The following SNTG1 variants were observed in gnomAD, a reference collection of about 807,000 sequenced individuals.
SNTG1 encodes the protein gamma-1-syntrophin.
Under a neutral mutation model 74.7 loss-of-function variants are expected in SNTG1, and 39 were observed. The ratio of observed to expected loss-of-function variants is 0.52; its 90% CI spans 0.40 to 0.68. The LOEUF is 0.68. Ranked by LOEUF, SNTG1 falls within the 30% of genes least tolerant of loss-of-function variation. SNTG1 has a pLI of 0.00. For missense variants in SNTG1, 685 were observed against 609.5 expected, an observed-to-expected ratio of 1.12 and a Z score of -1.30; for synonymous variants, 254 against 217.1, an observed-to-expected ratio of 1.17 and a Z score of -1.49.
At chr8:50,098,895 A>C (rs2080026294) in intron 1 of SNTG1, among the ~76,000 whole-genome samples, 1 of 152,166 alleles carries the variant, frequency 6.6e-6, no homozygotes, top group African/African-American at 2.4e-5. Flanking sequence ...ACAGGTACTC[A>C]TTACAGCTTT....
At chr8:49,967,549 A>G (rs1385314) in intron 1 of SNTG1, among the ~76,000 whole-genome samples, 16,606 of 151,728 alleles carry the variant, frequency 0.11, 1,100 homozygotes, top group South Asian at 0.22. Flanking sequence ...TTAATTTATT[A>G]TAATATATAA....
rs934023827 is a variant in SNTG1, at chr8:50,310,981, A to T, written c.-27-83231A>T. Among the ~76,000 whole-genome samples, 5 of 152,174 alleles carry T rather than the reference A, an allele frequency of 3.3e-5. 1 individual carries two copies. The highest frequency in any genetic ancestry group is 7.4e-5 in the Non-Finnish European group (5 of 68,024). ...GACAAATGAGGACAAAAGTCCAGAAAATTTTATTTCAAGATCACACAGCTA... is the reference window on the plus strand; with the variant it reads ...GACAAATGAGGACAAAAGTCCAGAATATTTTATTTCAAGATCACACAGCTA... On this transcript the variant is annotated intron_variant, in intron 2 of 18. Coordinates refer to ENST00000642720, the MANE Select transcript of SNTG1 (RefSeq NM_018967.5).
chr8:49,931,778 A>G (rs750098020), intron 1 of SNTG1, among the ~76,000 whole-genome samples: 34 of 152,190 alleles, frequency 2.2e-4, no homozygotes, highest in Non-Finnish European at 3.8e-4. Flanking sequence ...TGAATACAAC[A>G]AGATACAAAA....
chr8:50,254,740 G>C (rs1270138952), intron 2 of SNTG1, among the ~76,000 whole-genome samples: 1 of 151,982 alleles, frequency 6.6e-6, no homozygotes, highest in Non-Finnish European at 1.5e-5. Context: ...CAGCTACTCA[G>C]GAGGCTGAGG....
At chr8:50,662,481 C>T (rs534813730) in intron 15 of SNTG1, among the ~76,000 whole-genome samples, 64 of 152,258 alleles carry the variant, frequency 4.2e-4, no homozygotes, top group African/African-American at 1.5e-3. Flanking sequence ...TATTGTTATT[C>T]CCATTTTAGA....
At chr8:50,506,550 C>G (rs2094008218) in intron 9 of SNTG1, among the ~76,000 whole-genome samples, 1 of 151,868 alleles carries the variant, frequency 6.6e-6, no homozygotes, top group Admixed American at 6.6e-5. Flanking sequence ...AGTGTAAAGT[C>G]TTTAAAATTT....
intron 2 of SNTG1, among the ~76,000 whole-genome samples, chr8:50,320,418 C>T (rs1413997087): frequency 6.6e-6 from 1 of 151,796 alleles, no homozygotes; most frequent in African/African-American, 2.4e-5. Flanking sequence ...CATAGTTAGT[C>T]TGACTACAGA....
In SNTG1 at chr8:50,688,773, G is replaced by GT. The variant is rs1585535832; in HGVS notation, c.1039-15821dup. On this transcript the variant is annotated intron_variant, in intron 15 of 18. Coordinates refer to ENST00000642720, the MANE Select transcript of SNTG1 (RefSeq NM_018967.5). Reference sequence around the variant, plus strand: ...TTGGTTCCATATGAACTTTAAAGTAGTTTTTTCCAATTCTGTGAAGAAAGT... The same window carrying GT: ...TTGGTTCCATATGAACTTTAAAGTAGTTTTTTTCCAATTCTGTGAAGAAAGT... Among the ~76,000 whole-genome samples, 3 of 152,158 alleles carry GT rather than the reference G, an allele frequency of 2.0e-5. No homozygotes were observed. In the South Asian group the frequency reaches 6.2e-4, roughly 32 times the overall value.
At chr8:50,564,346 A>G (rs2094504341) in intron 12 of SNTG1, among the ~76,000 whole-genome samples, 1 of 152,156 alleles carries the variant, frequency 6.6e-6, no homozygotes, top group Non-Finnish European at 1.5e-5. Flanking sequence ...AATAATATAT[A>G]AACATATATA....
rs1369409540 is a variant in SNTG1 at position 50,530,275 on chromosome 8, C to T, written c.549+16C>T. Reference sequence around the variant, plus strand: ...CAACAATACAGTAAGATGACCCAGGCATAGCTCAGATTAATAAGGAGATAA... The same window carrying T: ...CAACAATACAGTAAGATGACCCAGGTATAGCTCAGATTAATAAGGAGATAA... On this transcript the variant is annotated intron_variant, in intron 10 of 18. Transcript: ENST00000642720. 6.2e-7 allele frequency: 1 copy of T among 1,610,694 alleles called. No individual in the cohort carries two copies. The highest frequency in any genetic ancestry group is 8.5e-7 in the Non-Finnish European group (1 of 1,177,094).
intron 2 of SNTG1, among the ~76,000 whole-genome samples, chr8:50,272,460 C>A (rs2087834350): frequency 6.6e-6 from 1 of 152,152 alleles, no homozygotes; most frequent in Admixed American, 6.5e-5. Flanking sequence ...TGTGCCATAA[C>A]AAAGAGACCT....
At chr8:50,691,107 C>G (rs958757104) in intron 15 of SNTG1, among the ~76,000 whole-genome samples, 1 of 152,058 alleles carries the variant, frequency 6.6e-6, no homozygotes, top group African/African-American at 2.4e-5. Context: ...CTTGGTAGAT[C>G]TCCCTCCATC....
intron 9 of SNTG1, among the ~76,000 whole-genome samples, chr8:50,510,552 T>C (rs1403577908): frequency 6.6e-6 from 1 of 152,208 alleles, no homozygotes; most frequent in Non-Finnish European, 1.5e-5. Context: ...TCCTGGACTT[T>C]TTTTGGTTGG....
chr8:50,159,817 C>A (rs956155361), intron 1 of SNTG1, among the ~76,000 whole-genome samples: 2 of 152,150 alleles, frequency 1.3e-5, no homozygotes, highest in Non-Finnish European at 2.9e-5. Flanking sequence ...ATTGGTCTTA[C>A]AGGTTCCATT....
intron 8 of SNTG1, among the ~76,000 whole-genome samples, chr8:50,495,097 G>C (rs2625741): frequency 0.86 from 130,511 of 152,074 alleles, 56,138 homozygotes; most frequent in Non-Finnish European, 0.89. Context: ...TTTAGGAATT[G>C]TGAAATTTTA....
At chr8:50,458,054 A>T (rs140930232) in intron 8 of SNTG1, 1 of 152,222 alleles carries the variant, frequency 6.6e-6, no homozygotes, top group Admixed American at 6.5e-5. Flanking sequence ...TAAACCACAC[A>T]GTGGAGCCCA....
chr8:50,760,757 A>G (rs925195884), intron 18 of SNTG1, among the ~76,000 whole-genome samples: 1 of 152,152 alleles, frequency 6.6e-6, no homozygotes, highest in Admixed American at 6.6e-5. Flanking sequence ...CTATGCAAAT[A>G]AAATAGAAAA....
At chr8:50,378,780 C>T (rs1295683317) in intron 2 of SNTG1, among the ~76,000 whole-genome samples, 3 of 152,002 alleles carry the variant, frequency 2.0e-5, no homozygotes, top group African/African-American at 7.2e-5. Flanking sequence ...GAGGGTAGCT[C>T]CTCTCTGCAG....
intron 1 of SNTG1, among the ~76,000 whole-genome samples, chr8:50,084,199 C>T (rs1214257763): frequency 6.6e-6 from 1 of 152,120 alleles, no homozygotes; most frequent in African/African-American, 2.4e-5. Context: ...CAGTGGCTCA[C>T]GCCTGTAATC....
Sources: gnomAD v4.1 joint callset for allele counts (sites outside exome capture counted in the v4.1 genomes callset) on GRCh38, gnomAD v4.1.1 for gene constraint, MANE v1.5 for transcripts, NCBI Gene and HGNC (gene_info 2026-07-23, HGNC 2026-07-21) for gene names.